The following PCLO variants were observed in gnomAD, a reference collection of about 807,000 sequenced individuals.
PCLO encodes the protein piccolo presynaptic cytomatrix protein.
PCLO carries 82 observed loss-of-function variants against 427.5 expected under a neutral mutation model. That is an observed-to-expected ratio of 0.19 (90% confidence interval 0.16 to 0.23). PCLO has a LOEUF of 0.23. Among genes scored for constraint, PCLO ranks in the 10% least tolerant of loss-of-function variants. The pLI is 1.00. For missense variants in PCLO, 6,239 were observed against 6,115.9 expected, an observed-to-expected ratio of 1.02 and a Z score of -0.67; for synonymous variants, 2,357 against 2,155.4, an observed-to-expected ratio of 1.09 and a Z score of -2.59.
intron 2 of PCLO, among the ~76,000 whole-genome samples, chr7:83,136,750 A>G (rs374936684): frequency 6.6e-6 from 1 of 152,160 alleles, no homozygotes; most frequent in Non-Finnish European, 1.5e-5. Flanking sequence ...ATGTACATGT[A>G]TGCATGTGAA....
intron 3 of PCLO, among the ~76,000 whole-genome samples, chr7:83,113,500 A>G (rs375308280): frequency 6.6e-6 from 1 of 152,228 alleles, no homozygotes; most frequent in Non-Finnish European, 1.5e-5. Flanking sequence ...TGAAATGGGC[A>G]TAACAGGAAA....
At chr7:82,884,899 C>T (rs999765966) in intron 9 of PCLO, among the ~76,000 whole-genome samples, 5 of 151,794 alleles carry the variant, frequency 3.3e-5, no homozygotes, top group Non-Finnish European at 7.4e-5. Context: ...CTATGATGTG[C>T]TTGATAAAAT....
intron 3 of PCLO, among the ~76,000 whole-genome samples, chr7:83,033,222 G>C (rs918554733): frequency 2.0e-5 from 3 of 152,080 alleles, no homozygotes; most frequent in Non-Finnish European, 2.9e-5. Flanking sequence ...TAGCAGTGTA[G>C]AAATGGACTA....
chr7:82,980,251 G>A (rs1000863680), intron 3 of PCLO, among the ~76,000 whole-genome samples: 2 of 152,126 alleles, frequency 1.3e-5, no homozygotes, highest in Admixed American at 6.5e-5. Flanking sequence ...AGAGAAAGAG[G>A]AAAGTCTTGA....
chr7:83,024,555 G>C (rs1480260206), intron 3 of PCLO, among the ~76,000 whole-genome samples: 3 of 152,196 alleles, frequency 2.0e-5, no homozygotes, highest in Non-Finnish European at 4.4e-5. Context: ...GCCCAGGCTT[G>C]ATTAGGTAAA....
At chr7:82,835,727 A>C in intron 15 of PCLO, 34 bp from the exon 16 acceptor site, 1 of 1,575,338 alleles carries the variant, frequency 6.3e-7, no homozygotes, top group Non-Finnish European at 8.7e-7. Context: ...GTGAAGGGGT[A>C]AAACAGGAAA....
chr7:82,902,057 C>G (rs1331745901), intron 9 of PCLO, among the ~76,000 whole-genome samples: 3 of 151,662 alleles, frequency 2.0e-5, no homozygotes, highest in Non-Finnish European at 4.4e-5. Context: ...ATCATTTGAC[C>G]CAGCCATCCC....
intron 3 of PCLO, among the ~76,000 whole-genome samples, chr7:83,031,813 C>G (rs2116148983): frequency 6.6e-6 from 1 of 151,398 alleles, no homozygotes; most frequent in East Asian, 1.9e-4. Context: ...ATTTCAGACC[C>G]ACTAGAAAGA....
In PCLO at chr7:82,754,419, C is replaced by T. The variant is rs1250285962; in HGVS notation, c.*4156G>A. 1 of 152,226 alleles carries T rather than the reference C, an allele frequency of 6.6e-6. No individual in the cohort carries two copies. Among genetic ancestry groups the T allele is most frequent in the African/African-American group, 2.4e-5 (1 of 41,566 alleles). The allele number at this position is 152,226 out of a possible 1,614,324, so 9.4% of individuals were successfully genotyped here. On this transcript the variant is annotated 3_prime_UTR_variant, in exon 25 of 25. Coordinates refer to ENST00000333891, the MANE Select transcript of PCLO (RefSeq NM_033026.6). ...GACAAGAAAATTTTTTCTTAAACCTCATATGTGTTTTTAGGATATTAGCAC... is the reference window on the plus strand; with the variant it reads ...GACAAGAAAATTTTTTCTTAAACCTTATATGTGTTTTTAGGATATTAGCAC...
At chr7:82,832,779 G>A in intron 16 of PCLO, among the ~76,000 whole-genome samples, 1 of 140,174 alleles carries the variant, frequency 7.1e-6, no homozygotes, top group Middle Eastern at 3.6e-3. Context: ...GATTTATCTG[G>A]TTTTCCTTTA....
chr7:82,774,407 A>C lies in PCLO; in HGVS notation c.15008-12914T>G, dbSNP rs376983404. On this transcript the variant is annotated intron_variant, in intron 22 of 24. Transcript: ENST00000333891. ...TGTGCCATTATTCCTTTCATTTTGC[A>C]CAAGTACCAGACCATTTTTATCATT... 6.6e-5 allele frequency among the ~76,000 whole-genome samples: 10 copies of C among 152,122 alleles called. No individual in the cohort carries two copies. The East Asian group carries it at 7.7e-4, about 12-fold the overall frequency.
At chr7:83,070,652 G>T (rs1789790736) in intron 3 of PCLO, among the ~76,000 whole-genome samples, 1 of 152,202 alleles carries the variant, frequency 6.6e-6, no homozygotes, top group African/African-American at 2.4e-5. Flanking sequence ...CTCCCAGAGT[G>T]CTGGGATTAC....
chr7:83,062,592 C>T (rs1253873372), intron 3 of PCLO, among the ~76,000 whole-genome samples: 1 of 152,164 alleles, frequency 6.6e-6, no homozygotes, highest in African/African-American at 2.4e-5. Flanking sequence ...TGCTCATCAA[C>T]AGCAGACATT....
intron 7 of PCLO, among the ~76,000 whole-genome samples, chr7:82,912,626 T>C (rs569854771): frequency 1.3e-5 from 2 of 152,222 alleles, no homozygotes; most frequent in African/African-American, 2.4e-5. Context: ...TTTACACACT[T>C]CATAATTTTA....
At chr7:82,870,136 A>C (rs1793196153) in intron 10 of PCLO, among the ~76,000 whole-genome samples, 1 of 152,072 alleles carries the variant, frequency 6.6e-6, no homozygotes, top group African/African-American at 2.4e-5. Context: ...TAGACAAAGC[A>C]ATCTTAAGTG....
chr7:83,055,804 T>C (rs1789364330), intron 3 of PCLO, among the ~76,000 whole-genome samples: 1 of 152,150 alleles, frequency 6.6e-6, no homozygotes, highest in South Asian at 2.1e-4. Context: ...AGAAAGATAA[T>C]CCAAGTCATT....
intron 3 of PCLO, among the ~76,000 whole-genome samples, chr7:83,037,616 A>AT (rs1167562119): frequency 2.0e-5 from 3 of 151,728 alleles, no homozygotes; most frequent in Non-Finnish European, 4.4e-5. Context: ...CATACCTTTC[A>AT]TCAACAGAAT....
At chr7:82,951,808 C>T (rs374717753) in intron 5 of PCLO, 48 bp downstream of exon 5, 5 of 1,547,592 alleles carry the variant, frequency 3.2e-6, no homozygotes, top group Non-Finnish European at 4.3e-6. Context: ...AGATGAGGAA[C>T]ACCATAATGA....
At position 82,902,653 on chromosome 7, in the gene PCLO, G is replaced by T; in HGVS notation, c.13526C>A (p.Ser4509Ter). ...ITRDSKDHTV[S>*]GNGLGIRIVG... ...TTAGATTATATGATTTGCTTTACCTGAAACTGTGTGATCCTTTGAGTCTCT... is the reference window on the plus strand; with the variant it reads ...TTAGATTATATGATTTGCTTTACCTTAAACTGTGTGATCCTTTGAGTCTCT... Residue 4509 changes from serine to a stop codon, truncating the protein, a stop_gained and splice_region_variant, in exon 9 of 25, where the codon TCA becomes TAA. Coordinates refer to ENST00000333891, the MANE Select transcript of PCLO (RefSeq NM_033026.6). LOFTEE classifies it high-confidence loss of function. 2 of 1,556,056 alleles carry T rather than the reference G, an allele frequency of 1.3e-6. No homozygotes were observed. Among genetic ancestry groups the T allele is most frequent in the Non-Finnish European group, 1.8e-6 (2 of 1,128,818 alleles).
Sources: allele counts gnomAD v4.1 joint callset (sites outside exome capture counted in the v4.1 genomes callset), GRCh38; gene constraint gnomAD v4.1.1; transcripts MANE v1.5; gene names NCBI Gene and HGNC (gene_info 2026-07-23, HGNC 2026-07-21).